ZNF672: variants seen among roughly 807,000 people sequenced by gnomAD.
The protein encoded by ZNF672 is hypothetical protein FLJ22301.
For synonymous variants in ZNF672, 358 were observed against 305.6 expected (o/e 1.17, Z -1.79); for missense variants, 733 against 701.1 (o/e 1.05, Z -0.51).
chr1:248,849,125 C>T lies in ZNF672; in HGVS notation c.*492C>T, dbSNP rs771879028. ...CCCTGTGGCTTCTTGACTCTTGGTTCCCTGTTAACTCTGTTTCTGAGAAAT... is the reference window on the plus strand; with the variant it reads ...CCCTGTGGCTTCTTGACTCTTGGTTTCCTGTTAACTCTGTTTCTGAGAAAT... On this transcript the variant is annotated 3_prime_UTR_variant, in exon 4 of 4. Transcript: ENST00000306562. 2.8e-5 allele frequency: 13 copies of T among 471,968 alleles called. No individual in the cohort carries two copies. In the East Asian group the frequency reaches 8.3e-4, roughly 30 times the overall value. The allele number at this position is 471,968 out of a possible 1,614,324, so 29.2% of individuals were successfully genotyped here. A position where few individuals can be genotyped will look rare whatever the true frequency, so the allele number is the denominator to read the frequency against.
chr1:248,847,496 G>A lies in ZNF672; in HGVS notation c.222G>A (p.Glu74=), dbSNP rs1429587981. 1 of 1,597,766 alleles carries A rather than the reference G, an allele frequency of 6.3e-7. No individual in the cohort carries two copies. Among genetic ancestry groups the A allele is most frequent in the African/African-American group, 1.3e-5 (1 of 74,518 alleles). The change falls in exon 4 of 4, where the codon GAG becomes GAA. Residue 74 remains glutamate (E), a synonymous_variant. Coordinates refer to ENST00000306562, the MANE Select transcript of ZNF672 (RefSeq NM_024836.3). ...HAGQTLYICS[E]CGQSFRHSGR... Reference sequence around the variant, plus strand: ...GCCAGACCCTCTACATCTGCAGTGAGTGCGGACAAAGCTTCCGCCACAGCG... The same window carrying A: ...GCCAGACCCTCTACATCTGCAGTGAATGCGGACAAAGCTTCCGCCACAGCG...
In ZNF672 at chr1:248,847,342, T is replaced by G; in HGVS notation, c.68T>G (p.Phe23Cys). Reference sequence around the variant, plus strand: ...TCGTGCAGCGAATGTGGCAAGAGCTTCTGCTACAGCTCAGTGCTGCTGCGA... The same window carrying G: ...TCGTGCAGCGAATGTGGCAAGAGCTGCTGCTACAGCTCAGTGCTGCTGCGA... ...PYSCSECGKSFCYSSVLLRHE... is the reference protein window; with the variant it reads ...PYSCSECGKSCCYSSVLLRHE... Residue 23 changes from phenylalanine to cysteine, a missense_variant, in exon 4 of 4, where the codon TTC (phenylalanine) becomes TGC (cysteine). By Grantham distance (205) the Phe-to-Cys change is radical. Coordinates refer to ENST00000306562, the MANE Select transcript of ZNF672 (RefSeq NM_024836.3). 1 of 1,612,748 alleles carries G rather than the reference T, an allele frequency of 6.2e-7. No homozygotes were observed.
intron 1 of ZNF672, among the ~76,000 whole-genome samples, chr1:248,839,886 G>A (rs764088016): frequency 4.4e-4 from 67 of 151,086 alleles, no homozygotes; most frequent in Non-Finnish European, 8.5e-4. Context: ...CTACAGACGG[G>A]CGCCACCACA....
Position 248,848,942 on chromosome 1 carries a change from A to T in ZNF672, c.*309A>T. ...GCCCAGGTGTTGGTGTGTCCCTTTA[A>T]TGCTACTGTGCTCTCTGGTGTTTCT... On this transcript the variant is annotated 3_prime_UTR_variant, in exon 4 of 4. Coordinates refer to ENST00000306562, the MANE Select transcript of ZNF672 (RefSeq NM_024836.3). 1.6e-6 allele frequency: 1 copy of T among 644,458 alleles called. No homozygotes were observed. The highest frequency in any genetic ancestry group is 3.0e-6 in the Non-Finnish European group (1 of 338,028). 39.9% of individuals were successfully genotyped at this position (644,458 alleles called of 1,614,324 possible).
intron 2 of ZNF672, 26 bp downstream of exon 2, chr1:248,844,662 G>C (rs1664729005): frequency 6.6e-6 from 1 of 152,278 alleles, no homozygotes; most frequent in African/African-American, 2.4e-5. Flanking sequence ...TGCCGTTTAA[G>C]TCTACACGTT....
rs12038641 is a variant in ZNF672 at position 248,847,583 on chromosome 1, A to C, written c.309A>C (p.Thr103=). Residue 103 remains threonine (T), a synonymous_variant, in exon 4 of 4, where the codon ACA becomes ACC. Transcript: ENST00000306562. ...RQRCRTCPCR[T]CGRRFPHLPA... ...GATGCCGCACTTGCCCCTGCCGCACATGCGGCCGGCGCTTCCCGCACCTCC... is the reference window on the plus strand; with the variant it reads ...GATGCCGCACTTGCCCCTGCCGCACCTGCGGCCGGCGCTTCCCGCACCTCC... 1.3e-6 allele frequency: 2 copies of C among 1,563,194 alleles called. No homozygotes were observed. Among genetic ancestry groups the C allele is most frequent in the East Asian group, 4.8e-5 (2 of 41,970 alleles).
rs1244666969 is a variant in ZNF672 at position 248,846,941 on chromosome 1, G to T, written c.-223-111G>T. Reference sequence around the variant, plus strand: ...TGGCTTTGCTTTGTCTTGGGGAAGGGAATCCTGGAGATGGACTACCTAAAG... The same window carrying T: ...TGGCTTTGCTTTGTCTTGGGGAAGGTAATCCTGGAGATGGACTACCTAAAG... On this transcript the variant is annotated intron_variant, in intron 3 of 3. Transcript: ENST00000306562. The T allele has an allele frequency of 2.0e-5, 5 of 251,926 alleles. No individual in the cohort carries two copies. The East Asian group carries it at 4.0e-4, about 20-fold the overall frequency. The allele number at this position is 251,926 out of a possible 1,614,324, so 15.6% of individuals were successfully genotyped here. A position where few individuals can be genotyped will look rare whatever the true frequency, so the allele number is the denominator to read the frequency against.
chr1:248,846,362 C>T (rs1664761375), intron 3 of ZNF672, among the ~76,000 whole-genome samples: 1 of 152,160 alleles, frequency 6.6e-6, no homozygotes, highest in Non-Finnish European at 1.5e-5. Context: ...CGTTTTTACC[C>T]CTTTACTGGG....
Position 248,848,094 on chromosome 1 carries a change from CG to C in ZNF672, c.822del (p.Arg275AlafsTer180). 2.6e-6 allele frequency: 4 copies of C among 1,549,728 alleles called. No individual in the cohort carries two copies. The highest frequency in any genetic ancestry group is 3.5e-6 in the Non-Finnish European group (4 of 1,149,250). Reference protein sequence around the residue: ...FSESSTLLRHRRSHQGERPHA... With the variant: ...FSESSTLLRHXRSHQGERPHA... ...CGAGAGTTCCACGCTGCTGCGCCAT[CG>C]GCGCAGCCATCAGGGCGAGCGGCCA... On this transcript the variant is annotated frameshift_variant, in exon 4 of 4. Coordinates refer to ENST00000306562, the MANE Select transcript of ZNF672 (RefSeq NM_024836.3). LOFTEE classifies it low-confidence loss of function (END_TRUNC).
In ZNF672 at chr1:248,847,613, G is replaced by A; in HGVS notation, c.339G>A (p.Ala113=). ...GCCGGCGCTTCCCGCACCTCCCGGC[G>A]CTGCTGCTACACCGGCGCCGCCAGC... The part of the protein sequence containing the change: ...TCGRRFPHLP[A]LLLHRRRQHL... The change falls in exon 4 of 4, where the codon GCG becomes GCA. Residue 113 remains alanine, a synonymous_variant. Transcript: ENST00000306562. 6.5e-7 allele frequency: 1 copy of A among 1,531,786 alleles called. No homozygotes were observed. Among genetic ancestry groups the A allele is most frequent in the Non-Finnish European group, 8.7e-7 (1 of 1,143,078 alleles). The allele number at this position is 1,531,786 out of a possible 1,614,324, so 94.9% of individuals were successfully genotyped here.
rs1281293361 is a variant in ZNF672 at position 248,849,063 on chromosome 1, G to C, written c.*430G>C. On this transcript the variant is annotated 3_prime_UTR_variant, in exon 4 of 4. Coordinates refer to ENST00000306562, the MANE Select transcript of ZNF672 (RefSeq NM_024836.3). Reference sequence around the variant, plus strand: ...TACTTTTGTTGTCCTGCCTCTTCAGGTAATGGTCACAGATTTGGCTGTAGG... The same window carrying C: ...TACTTTTGTTGTCCTGCCTCTTCAGCTAATGGTCACAGATTTGGCTGTAGG... 3 of 482,854 alleles carry C rather than the reference G, an allele frequency of 6.2e-6. No homozygotes were observed. The highest frequency in any genetic ancestry group is 1.3e-5 in the Non-Finnish European group (3 of 235,064). The allele number at this position is 482,854 out of a possible 1,614,324, so 29.9% of individuals were successfully genotyped here.
At position 248,849,181 on chromosome 1, in the gene ZNF672, T is replaced by C. The variant is rs911069623; in HGVS notation, c.*548T>C. 4.1e-5 allele frequency: 18 copies of C among 436,740 alleles called. No individual in the cohort carries two copies. Among genetic ancestry groups the C allele is most frequent in the Admixed American group, 7.7e-5 (3 of 39,160 alleles). 27.1% of individuals were successfully genotyped at this position (436,740 alleles called of 1,614,324 possible). Reference sequence around the variant, plus strand: ...TATGGAGGTGGGTGGGAAAGCTCACTTCCATGAAGGATGTCTCCATGCTAG... The same window carrying C: ...TATGGAGGTGGGTGGGAAAGCTCACCTCCATGAAGGATGTCTCCATGCTAG... On this transcript the variant is annotated 3_prime_UTR_variant, in exon 4 of 4. Transcript: ENST00000306562.
intron 1 of ZNF672, among the ~76,000 whole-genome samples, chr1:248,840,975 A>G (rs1405828012): frequency 6.6e-6 from 1 of 151,710 alleles, no homozygotes; most frequent in Non-Finnish European, 1.5e-5. Context: ...GACTGTAGTC[A>G]TAGTATTTGT....
rs1409425307 is a variant in ZNF672 at position 248,847,416 on chromosome 1, G to A, written c.142G>A (p.Gly48Ser). ...CGGCCGCTTCCGTTGCCTAGAATGC[G>A]GTGAGCGCTGTGCACGGGCTGCTGA... ...GDGRFRCLEC[G>S]ERCARAADLR... is the part of the protein sequence containing the mutation. Residue 48 changes from glycine to serine, a missense_variant, in exon 4 of 4, where the codon GGT becomes AGT. Physicochemically the swap from Gly to Ser is moderately conservative, Grantham distance 56. Transcript: ENST00000306562. 2 of 1,593,968 alleles carry A rather than the reference G, an allele frequency of 1.3e-6. No homozygotes were observed. The highest frequency in any genetic ancestry group is 1.1e-5 in the South Asian group (1 of 88,560).
At chr1:248,838,946 CTAGGG>C (rs1252220641) in intron 1 of ZNF672, 1 of 152,196 alleles carries the variant, frequency 6.6e-6, no homozygotes, top group Admixed American at 6.5e-5. Flanking sequence ...GGGCAAGGGG[CTAGGG>C]TAGGCTCGGG....
In ZNF672 at chr1:248,848,956, T is replaced by C; in HGVS notation, c.*323T>C. ...GTGTCCCTTTAATGCTACTGTGCTCTCTGGTGTTTCTGATTTTCCTGCCTT... is the reference window on the plus strand; with the variant it reads ...GTGTCCCTTTAATGCTACTGTGCTCCCTGGTGTTTCTGATTTTCCTGCCTT... On this transcript the variant is annotated 3_prime_UTR_variant, in exon 4 of 4. Coordinates refer to ENST00000306562, the MANE Select transcript of ZNF672 (RefSeq NM_024836.3). The C allele has an allele frequency of 1.6e-6, 1 of 618,628 alleles. No homozygotes were observed. Among genetic ancestry groups the C allele is most frequent in the Non-Finnish European group, 3.1e-6 (1 of 321,540 alleles). 38.3% of individuals were successfully genotyped at this position (618,628 alleles called of 1,614,324 possible).
At position 248,838,433 on chromosome 1, in the gene ZNF672, C is replaced by CCG. The variant is rs1447353467; in HGVS notation, c.-585_-584dup. On this transcript the variant is annotated 5_prime_UTR_variant, in exon 1 of 4. Coordinates refer to ENST00000306562, the MANE Select transcript of ZNF672 (RefSeq NM_024836.3). The stretch of plus-strand genomic sequence containing the variant: ...CCTCCCCGCTCCCCCCACTCGGAGG[C>CCG]CGCGCGCGCCGTTAGCCCCTTCCTC... 4 of 152,214 alleles carry CCG rather than the reference C, an allele frequency of 2.6e-5. No homozygotes were observed. The highest frequency in any genetic ancestry group is 2.0e-4 in the Admixed American group (3 of 15,288). 9.4% of individuals were successfully genotyped at this position (152,214 alleles called of 1,614,324 possible).
rs766945032 is a variant in ZNF672, at chr1:248,847,858, T to C, written c.584T>C (p.Val195Ala). 5.0e-6 allele frequency: 8 copies of C among 1,584,350 alleles called. No individual in the cohort carries two copies. The South Asian group carries it at 7.9e-5, about 16-fold the overall frequency. The change falls in exon 4 of 4, where the codon GTC (valine) becomes GCC (alanine). Residue 195 changes from valine to alanine, a missense_variant. Coordinates refer to ENST00000306562, the MANE Select transcript of ZNF672 (RefSeq NM_024836.3). The part of the protein sequence containing the change: ...HVSRSPTRPR[V>A]SDAHQCGVCG... ...TCCCGGAGCCCCACGCGACCCCGTG[T>C]CTCAGACGCCCACCAGTGTGGCGTG... is the stretch of plus-strand genomic sequence containing the variant.
rs766945032 is a variant in ZNF672, at chr1:248,847,858, T to A, written c.584T>A (p.Val195Asp). The A allele has an allele frequency of 6.3e-7, 1 of 1,584,468 alleles. No individual in the cohort carries two copies. Residue 195 changes from valine (V) to aspartate (D), a missense_variant, in exon 4 of 4, where the codon GTC (valine) becomes GAC (aspartate). Val to Asp is a radical substitution (Grantham distance 152). Transcript: ENST00000306562. The part of the protein sequence containing the change: ...HVSRSPTRPR[V>D]SDAHQCGVCG... Reference sequence around the variant, plus strand: ...TCCCGGAGCCCCACGCGACCCCGTGTCTCAGACGCCCACCAGTGTGGCGTG... The same window carrying A: ...TCCCGGAGCCCCACGCGACCCCGTGACTCAGACGCCCACCAGTGTGGCGTG...
Sources: allele counts gnomAD v4.1 joint callset (sites outside exome capture counted in the v4.1 genomes callset), GRCh38; gene constraint gnomAD v4.1.1; transcripts MANE v1.5; gene names NCBI Gene and HGNC (gene_info 2026-07-23, HGNC 2026-07-21).